The following SNTG1 variants were observed in gnomAD, a reference collection of about 807,000 sequenced individuals.
SNTG1 encodes syntrophin gamma 1.
A neutral mutation model predicts 74.7 loss-of-function variants in SNTG1; 39 were observed. The ratio of observed to expected loss-of-function variants is 0.52; its 90% CI spans 0.40 to 0.68. The LOEUF (loss-of-function observed/expected upper bound fraction) is 0.68, where lower values mean the gene tolerates loss of function less well. Ranked by LOEUF, SNTG1 falls within the 30% of genes least tolerant of loss-of-function variation. The pLI is 0.00. For synonymous variants in SNTG1, 254 were observed against 217.1 expected (o/e 1.17, Z -1.49); for missense variants, 685 against 609.5 (o/e 1.12, Z -1.30).
chr8:50,383,496 A>C (rs2092524350), intron 2 of SNTG1, among the ~76,000 whole-genome samples: 1 of 152,238 alleles, frequency 6.6e-6, no homozygotes, highest in Non-Finnish European at 1.5e-5. Flanking sequence ...AGTCAAGTTT[A>C]TAACAAAATG....
intron 13 of SNTG1, among the ~76,000 whole-genome samples, chr8:50,601,666 A>G (rs986199155): frequency 4.6e-5 from 7 of 152,034 alleles, no homozygotes; most frequent in African/African-American, 1.4e-4. Flanking sequence ...ATTAAATATG[A>G]TTTTCTTTGT....
intron 1 of SNTG1, among the ~76,000 whole-genome samples, chr8:49,926,235 G>A (rs1335420735): frequency 1.3e-5 from 2 of 151,938 alleles, no homozygotes; most frequent in Non-Finnish European, 2.9e-5. Context: ...ATATTTACTT[G>A]ATTTTATAAT....
At chr8:50,749,813 C>T (rs930021805) in intron 17 of SNTG1, among the ~76,000 whole-genome samples, 3 of 151,986 alleles carry the variant, frequency 2.0e-5, no homozygotes, top group East Asian at 1.9e-4. Context: ...CAAAATAATA[C>T]GGCTCACTAA....
chr8:50,570,591 G>GTTGTTGTTGTTA (rs137977278), intron 12 of SNTG1, among the ~76,000 whole-genome samples: 1,655 of 130,116 alleles, frequency 0.013, 68 homozygotes, highest in East Asian at 0.11. Flanking sequence ...TATTATTGTT[G>GTTGTTGTTGTTA]TTATTATTAT....
At chr8:50,492,340 A>G (rs1327176422) in intron 8 of SNTG1, among the ~76,000 whole-genome samples, 1 of 152,126 alleles carries the variant, frequency 6.6e-6, no homozygotes, top group Non-Finnish European at 1.5e-5. Context: ...GAACTAATTT[A>G]CCTTCCCACC....
intron 1 of SNTG1, among the ~76,000 whole-genome samples, chr8:50,025,691 T>C (rs2130713854): frequency 6.6e-6 from 1 of 152,330 alleles, no homozygotes; most frequent in East Asian, 1.9e-4. Flanking sequence ...TTTATAAACA[T>C]TTCTGTCTCA....
intron 8 of SNTG1, among the ~76,000 whole-genome samples, chr8:50,471,392 A>G (rs1283407672): frequency 4.6e-5 from 7 of 152,146 alleles, no homozygotes; most frequent in Admixed American, 1.3e-4. Context: ...CATAGGAAAT[A>G]ATACTAAATA....
chr8:50,049,969 G>A (rs936110534), intron 1 of SNTG1, among the ~76,000 whole-genome samples: 7 of 151,586 alleles, frequency 4.6e-5, no homozygotes, highest in Non-Finnish European at 8.8e-5. Flanking sequence ...AATGTTTAGA[G>A]GAAAATTTAT....
At chr8:50,425,466 T>A (rs1471479285) in intron 4 of SNTG1, among the ~76,000 whole-genome samples, 1 of 152,154 alleles carries the variant, frequency 6.6e-6, no homozygotes, top group African/African-American at 2.4e-5. Context: ...CACCCCCAGA[T>A]GGGACCACCT....
At chr8:50,763,226 C>T (rs550349102) in intron 18 of SNTG1, among the ~76,000 whole-genome samples, 40 of 151,960 alleles carry the variant, frequency 2.6e-4, no homozygotes, top group African/African-American at 8.0e-4. Context: ...TTTTTCAGTT[C>T]GTTTGGCTTT....
chr8:49,982,932 T>C (rs186310079), intron 1 of SNTG1, among the ~76,000 whole-genome samples: 1 of 152,320 alleles, frequency 6.6e-6, no homozygotes, highest in Non-Finnish European at 1.5e-5. Context: ...GTTGTAAAGT[T>C]ATTGATTTTT....
chr8:50,535,771 A>T (rs1374264966), intron 10 of SNTG1, among the ~76,000 whole-genome samples: 2 of 152,226 alleles, frequency 1.3e-5, no homozygotes, highest in African/African-American at 4.8e-5. Flanking sequence ...TAATATTTAG[A>T]CTTCACAGAG....
intron 1 of SNTG1, among the ~76,000 whole-genome samples, chr8:50,040,771 T>C (rs1035290855): frequency 6.6e-6 from 1 of 152,228 alleles, no homozygotes; most frequent in Non-Finnish European, 1.5e-5. Context: ...AATTTAAAAA[T>C]GACTTGGGTA....
chr8:50,446,681 A>C (rs2093411192), intron 5 of SNTG1, among the ~76,000 whole-genome samples: 1 of 152,178 alleles, frequency 6.6e-6, no homozygotes, highest in African/African-American at 2.4e-5. Context: ...CCTCTCAAAA[A>C]AATAAAATAA....
rs1005619291 is a variant in SNTG1, at chr8:50,148,089, T to C, written c.-102-24472T>C. Reference sequence around the variant, plus strand: ...AGTTTGTACAATTTGAGCAAAAATATGCGTAACATAGCGTGTGTGTGTATA... The same window carrying C: ...AGTTTGTACAATTTGAGCAAAAATACGCGTAACATAGCGTGTGTGTGTATA... On this transcript the variant is annotated intron_variant, in intron 1 of 18. Coordinates refer to ENST00000642720, the MANE Select transcript of SNTG1 (RefSeq NM_018967.5). Among the ~76,000 whole-genome samples the C allele has an allele frequency of 5.9e-5, 9 of 152,286 alleles. No homozygotes were observed. The East Asian group carries it at 1.7e-3, about 29-fold the overall frequency.
At chr8:50,657,421 G>A (rs1040362059) in intron 14 of SNTG1, among the ~76,000 whole-genome samples, 15 of 152,146 alleles carry the variant, frequency 9.9e-5, no homozygotes, top group Admixed American at 6.5e-4. Flanking sequence ...AACTGTTTTA[G>A]GGCTATACAT....
chr8:50,341,944 A>G (rs763480285), intron 2 of SNTG1, among the ~76,000 whole-genome samples: 13 of 152,062 alleles, frequency 8.5e-5, no homozygotes, highest in Admixed American at 5.9e-4. Flanking sequence ...CAAATTTTGT[A>G]TGATTGCCTA....
intron 3 of SNTG1, 86 bp from the exon 4 acceptor site, chr8:50,402,124 A>G: frequency 7.5e-7 from 1 of 1,341,904 alleles, no homozygotes; most frequent in African/African-American, 1.5e-5. Flanking sequence ...GTTATTCACC[A>G]TGTTTTGCTG....
At chr8:50,358,864 C>T (rs924295545) in intron 2 of SNTG1, among the ~76,000 whole-genome samples, 10 of 152,176 alleles carry the variant, frequency 6.6e-5, no homozygotes, top group South Asian at 2.1e-4. Flanking sequence ...GACAATAAAA[C>T]ACTTTCATAC....
Sources: gnomAD v4.1 joint callset for allele counts (sites outside exome capture counted in the v4.1 genomes callset) on GRCh38, gnomAD v4.1.1 for gene constraint, MANE v1.5 for transcripts, NCBI Gene and HGNC (gene_info 2026-07-23, HGNC 2026-07-21) for gene names.